SCFD1: variants seen among roughly 807,000 people sequenced by gnomAD.
SCFD1 encodes sec1 family domain-containing protein 1.
In SCFD1, 37 loss-of-function variants were observed where a neutral mutation model predicts 103.2. The ratio of observed to expected loss-of-function variants is 0.36; its 90% CI spans 0.28 to 0.47. The LOEUF is 0.47. SCFD1 is among the 20% of genes least tolerant of loss of function. SCFD1 has a pLI of 1.00. For missense variants in SCFD1, 639 were observed against 761.2 expected, an observed-to-expected ratio of 0.84 and a Z score of 1.89; for synonymous variants, 264 against 245.0, an observed-to-expected ratio of 1.08 and a Z score of -0.73.
At chr14:30,694,937 A>G (rs1890591140) in intron 15 of SCFD1, 68 bp downstream of exon 15, 9 of 1,536,918 alleles carry the variant, frequency 5.9e-6, no homozygotes, top group South Asian at 2.6e-5. Context: ...TCAATTGAGT[A>G]AACTTTGAAT....
At chr14:30,665,522 G>A (rs1022755769) in intron 10 of SCFD1, among the ~76,000 whole-genome samples, 21 of 152,128 alleles carry the variant, frequency 1.4e-4, no homozygotes, top group African/African-American at 5.1e-4. Context: ...ATAATGACAG[G>A]ATCAAATTCA....
At chr14:30,656,609 A>G (rs567512710) in intron 10 of SCFD1, among the ~76,000 whole-genome samples, 1 of 152,268 alleles carries the variant, frequency 6.6e-6, no homozygotes, top group South Asian at 2.1e-4. Context: ...ATTGAGAACC[A>G]TGGTTACAGG....
intron 17 of SCFD1, among the ~76,000 whole-genome samples, 167 bp downstream of exon 17, chr14:30,702,542 A>G (rs1188576963): frequency 1.3e-5 from 2 of 152,176 alleles, no homozygotes; most frequent in African/African-American, 4.8e-5. Context: ...TTTACAACTT[A>G]AAATTACATA....
At chr14:30,715,544 C>G (rs1892216627) in intron 19 of SCFD1, 1 of 151,456 alleles carries the variant, frequency 6.6e-6, no homozygotes, top group Non-Finnish European at 1.4e-5. Flanking sequence ...GCACTCCAGC[C>G]TGGGCGACAG....
Position 30,634,055 on chromosome 14 carries a change from T to C in SCFD1, c.312+18T>C. The C allele has an allele frequency of 7.1e-7, 1 of 1,408,126 alleles. No individual in the cohort carries two copies. Among genetic ancestry groups the C allele is most frequent in the South Asian group, 1.3e-5 (1 of 77,768 alleles). 87.2% of individuals were successfully genotyped at this position (1,408,126 alleles called of 1,614,324 possible). A position where few individuals can be genotyped will look rare whatever the true frequency, so the allele number is the denominator to read the frequency against. ...TGTGCCAGGTAATATGGGTTCTTAT[T>C]TTCTGGACTCCTGAATTTGGAAATG... On this transcript the variant is annotated intron_variant, in intron 4 of 24. Coordinates refer to ENST00000458591, the MANE Select transcript of SCFD1 (RefSeq NM_016106.4).
At chr14:30,715,774 T>G in intron 19 of SCFD1, 150 bp from the exon 20 acceptor site, 1 of 541,854 alleles carries the variant, frequency 1.8e-6, no homozygotes, top group Non-Finnish European at 3.3e-6. Flanking sequence ...TTTACATCTT[T>G]GACATCACCT....
intron 5 of SCFD1, among the ~76,000 whole-genome samples, chr14:30,638,769 G>C (rs923209143): frequency 1.3e-5 from 2 of 152,140 alleles, no homozygotes; most frequent in Non-Finnish European, 2.9e-5. Flanking sequence ...TTTTAGTCAG[G>C]TTCAGCTTCA....
intron 7 of SCFD1, among the ~76,000 whole-genome samples, chr14:30,646,941 G>A (rs1207299969): frequency 1.3e-5 from 2 of 152,028 alleles, no homozygotes; most frequent in Non-Finnish European, 2.9e-5. Context: ...TTATATTTCT[G>A]TGGGGTCGAT....
At chr14:30,729,903 C>G (rs10136727) in intron 23 of SCFD1, among the ~76,000 whole-genome samples, 59,425 of 151,624 alleles carry the variant, frequency 0.39, 13,316 homozygotes, top group East Asian at 0.63. Context: ...TGCGTGTGCA[C>G]AACGTGCAGG....
At chr14:30,715,847 G>A (rs1892243601) in intron 19 of SCFD1, 77 bp from the exon 20 acceptor site, 1 of 755,036 alleles carries the variant, frequency 1.3e-6, no homozygotes, top group African/African-American at 1.8e-5. Flanking sequence ...ATACTTAACT[G>A]TAGAATGATC....
At chr14:30,710,208 A>C (rs1891767922) in intron 19 of SCFD1, among the ~76,000 whole-genome samples, 1 of 151,898 alleles carries the variant, frequency 6.6e-6, no homozygotes, top group Non-Finnish European at 1.5e-5. Flanking sequence ...CTGTTTTTTT[A>C]ATATTGCAAA....
chr14:30,640,937 A>C (rs1338942050), intron 6 of SCFD1, among the ~76,000 whole-genome samples: 1 of 152,146 alleles, frequency 6.6e-6, no homozygotes, highest in Non-Finnish European at 1.5e-5. Context: ...CAGATTCTTA[A>C]TAATGATAAT....
At chr14:30,682,438 A>C (rs1889562161) in intron 14 of SCFD1, among the ~76,000 whole-genome samples, 1 of 152,134 alleles carries the variant, frequency 6.6e-6, no homozygotes, top group Admixed American at 6.5e-5. Context: ...TTGTAACATA[A>C]TTTTTCACAT....
intron 19 of SCFD1, among the ~76,000 whole-genome samples, chr14:30,710,421 T>C (rs1002092555): frequency 6.6e-6 from 1 of 150,538 alleles, no homozygotes; most frequent in African/African-American, 2.5e-5. Context: ...TATCATCAAG[T>C]AAAAGTAATA....
intron 2 of SCFD1, 126 bp from the exon 3 acceptor site, chr14:30,630,351 A>G: frequency 3.0e-6 from 2 of 670,056 alleles, no homozygotes; most frequent in South Asian, 1.7e-5. Context: ...AAAATGTTAA[A>G]TTGAGGCAAG....
chr14:30,697,501 A>G (rs1355076785), intron 15 of SCFD1, among the ~76,000 whole-genome samples: 1 of 152,224 alleles, frequency 6.6e-6, no homozygotes, highest in Non-Finnish European at 1.5e-5. Flanking sequence ...TAACTGTAAG[A>G]AAAAGTAACG....
At position 30,709,732 on chromosome 14, in the gene SCFD1, G is replaced by A. The variant is rs542215053; in HGVS notation, c.1629+1667G>A. Among the ~76,000 whole-genome samples the A allele has an allele frequency of 1.2e-3, 184 of 152,238 alleles. 1 individual carries two copies. Among genetic ancestry groups the A allele is most frequent in the Non-Finnish European group, 2.2e-3 (153 of 68,026 alleles). ...TAGAGACAAATGTGCTATACTTTAC[G>A]GCTTAGCCTGCGCCCGGTTCTTATT... On this transcript the variant is annotated intron_variant, in intron 19 of 24. Coordinates refer to ENST00000458591, the MANE Select transcript of SCFD1 (RefSeq NM_016106.4).
intron 23 of SCFD1, among the ~76,000 whole-genome samples, chr14:30,724,314 G>A (rs1336668959): frequency 7.6e-6 from 1 of 131,782 alleles, no homozygotes; most frequent in Non-Finnish European, 1.5e-5. Context: ...GTGCAGTGGT[G>A]CCATCTCGGC....
chr14:30,677,633 C>T (rs1889130466), intron 14 of SCFD1, among the ~76,000 whole-genome samples: 1 of 148,534 alleles, frequency 6.7e-6, no homozygotes, highest in Non-Finnish European at 1.5e-5. Context: ...TTTCTTATAA[C>T]TTTTCATAAC....
Sources: gnomAD v4.1 joint callset for allele counts (sites outside exome capture counted in the v4.1 genomes callset) on GRCh38, gnomAD v4.1.1 for gene constraint, MANE v1.5 for transcripts, NCBI Gene and HGNC (gene_info 2026-07-23, HGNC 2026-07-21) for gene names.